The following HEXA variants were observed in gnomAD, a reference collection of about 807,000 sequenced individuals.
HEXA encodes the protein hexosaminidase subunit alpha, also known as beta-hexosaminidase subunit alpha.
Under a neutral mutation model 73.3 loss-of-function variants are expected in HEXA, and 54 were observed. That is an observed-to-expected ratio of 0.74 (90% CI 0.59 to 0.92). HEXA has a LOEUF of 0.92. HEXA is among the 40% of genes least tolerant of loss of function. The probability of loss-of-function intolerance (pLI) is 0.00; values close to 1 mark genes in which losing one functional copy is unlikely to be tolerated. For synonymous variants in HEXA, 230 were observed against 246.9 expected, an observed-to-expected ratio of 0.93 and a Z score of 0.64; for missense variants, 649 against 653.0, an observed-to-expected ratio of 0.99 and a Z score of 0.07.
chr15:72,364,734 C>A (rs915153554), intron 1 of HEXA, among the ~76,000 whole-genome samples: 6 of 151,582 alleles, frequency 4.0e-5, no homozygotes, highest in Admixed American at 2.6e-4. Flanking sequence ...CATCTCAATT[C>A]TTTTTCACCA....
intron 1 of HEXA, among the ~76,000 whole-genome samples, chr15:72,372,890 T>C (rs2089011844): frequency 6.6e-6 from 1 of 152,228 alleles, no homozygotes; most frequent in South Asian, 2.1e-4. Flanking sequence ...CCCAGGACTT[T>C]GGTAGGCCAA....
At chr15:72,360,189 G>A (rs1394863329) in intron 1 of HEXA, 2 of 153,244 alleles carry the variant, frequency 1.3e-5, no homozygotes, top group African/African-American at 4.8e-5. Context: ...CTGTGCCCCT[G>A]ACCCCGGCTA....
At chr15:72,347,616 G>T in intron 10 of HEXA, 70 bp downstream of exon 10, 1 of 1,194,290 alleles carries the variant, frequency 8.4e-7, no homozygotes, top group Non-Finnish European at 1.3e-6. Context: ...CTCTGTAGAG[G>T]CAGGGAGGAG....
chr15:72,341,877 G>A lies in HEXA; in HGVS notation c.*2200C>T, dbSNP rs1595794358. The A allele has an allele frequency of 6.6e-6, 1 of 152,032 alleles. No individual in the cohort carries two copies. Among genetic ancestry groups the A allele is most frequent in the Non-Finnish European group, 1.5e-5 (1 of 68,018 alleles). The allele number at this position is 152,032 out of a possible 1,614,324, so 9.4% of individuals were successfully genotyped here. ...CGTGACCAGGCCACGTTAGTTTAGT[G>A]GTAAAAATAATAACATTAAAGAAAA... On this transcript the variant is annotated 3_prime_UTR_variant, in exon 14 of 14. Coordinates refer to ENST00000268097, the MANE Select transcript of HEXA (RefSeq NM_000520.6).
rs143554538 is a variant in HEXA, at chr15:72,375,904, G to A, written c.69C>T (p.Leu23=). ...TTTGGAAGTTCTGAGGCCAGGGCCA[G>A]AGGGCCGTCGCCCGTCCTGCGAACG... ...AAAFAGRATA[L]WPWPQNFQTS... Residue 23 remains leucine, a synonymous_variant, in exon 1 of 14, where the codon CTC becomes CTT. Coordinates refer to ENST00000268097, the MANE Select transcript of HEXA (RefSeq NM_000520.6). 6.2e-7 allele frequency: 1 copy of A among 1,614,244 alleles called. No homozygotes were observed. Among genetic ancestry groups the A allele is most frequent in the South Asian group, 1.1e-5 (1 of 91,090 alleles).
chr15:72,352,134 T>G (rs928820649), intron 5 of HEXA, among the ~76,000 whole-genome samples: 2 of 152,146 alleles, frequency 1.3e-5, no homozygotes, highest in African/African-American at 4.8e-5. Context: ...TTTTTTGTAT[T>G]TTCAGTAGAG....
intron 1 of HEXA, among the ~76,000 whole-genome samples, chr15:72,364,703 C>G (rs1054261126): frequency 1.3e-5 from 2 of 152,090 alleles, no homozygotes; most frequent in African/African-American, 2.4e-5. Context: ...CCCATCTCTC[C>G]ACATCTTTCC....
At chr15:72,349,933 T>C (rs1175916402) in intron 7 of HEXA, among the ~76,000 whole-genome samples, 1 of 152,068 alleles carries the variant, frequency 6.6e-6, no homozygotes, top group African/African-American at 2.4e-5. Context: ...CTGGCTAATT[T>C]TTGTATTTTT....
intron 1 of HEXA, among the ~76,000 whole-genome samples, chr15:72,363,247 A>G (rs2140333919): frequency 6.6e-6 from 1 of 152,360 alleles, no homozygotes; most frequent in East Asian, 1.9e-4. Context: ...GTTAAAAAGA[A>G]AAACAAACCC....
intron 1 of HEXA, among the ~76,000 whole-genome samples, chr15:72,365,167 G>A (rs537840037): frequency 3.3e-5 from 5 of 152,232 alleles, no homozygotes; most frequent in South Asian, 2.1e-4. Flanking sequence ...TCGGCTCACC[G>A]CAAGCTCCGC....
chr15:72,371,918 G>A (rs2088999520), intron 1 of HEXA, among the ~76,000 whole-genome samples: 1 of 152,170 alleles, frequency 6.6e-6, no homozygotes, highest in Non-Finnish European at 1.5e-5. Context: ...AGGGGGGCAG[G>A]ATTATTCTGT....
intron 13 of HEXA, among the ~76,000 whole-genome samples, chr15:72,344,591 C>G (rs1763656208): frequency 6.6e-6 from 1 of 152,158 alleles, no homozygotes. Context: ...GATGCGAAAT[C>G]CTGTCCTTGG....
chr15:72,351,040 GGT>G (rs1303519178), intron 6 of HEXA, 91 bp downstream of exon 6: 10 of 843,714 alleles, frequency 1.2e-5, no homozygotes, highest in Admixed American at 7.5e-5. Flanking sequence ...AAAACTGGCT[GGT>G]TAGGATGAGA....
intron 1 of HEXA, chr15:72,360,251 C>T (rs935050225): frequency 6.5e-6 from 1 of 153,194 alleles, no homozygotes; most frequent in African/African-American, 2.4e-5. Flanking sequence ...CAGGACTGGA[C>T]CACTGCAAAA....
In HEXA at chr15:72,375,902, C is replaced by A; in HGVS notation, c.71G>T (p.Trp24Leu). The part of the protein sequence containing the change: ...AAFAGRATAL[W>L]PWPQNFQTSD... ...GGTTTGGAAGTTCTGAGGCCAGGGC[C>A]AGAGGGCCGTCGCCCGTCCTGCGAA... Residue 24 changes from tryptophan (W) to leucine (L), a missense_variant, in exon 1 of 14, where the codon TGG (tryptophan) becomes TTG (leucine). Physicochemically the swap from Trp to Leu is moderately conservative, Grantham distance 61 (BLOSUM62 -2). Coordinates refer to ENST00000268097, the MANE Select transcript of HEXA (RefSeq NM_000520.6). 6.2e-7 allele frequency: 1 copy of A among 1,614,208 alleles called. No individual in the cohort carries two copies. Among genetic ancestry groups the A allele is most frequent in the South Asian group, 1.1e-5 (1 of 91,090 alleles).
rs541330479 is a variant in HEXA, at chr15:72,367,529, CT to C, written c.253+8190del. Among the ~76,000 whole-genome samples the C allele has an allele frequency of 2.6e-3, 395 of 152,178 alleles. 1 individual carries two copies. The highest frequency in any genetic ancestry group is 4.6e-3 in the Non-Finnish European group (316 of 68,032). On this transcript the variant is annotated intron_variant, in intron 1 of 13. Transcript: ENST00000268097. ...GCAGCCTTTTAACTGGGTTTCCTGC[CT>C]CTAATCCCACTCTACAGCAAGCCCC... is the stretch of plus-strand genomic sequence containing the variant.
intron 1 of HEXA, among the ~76,000 whole-genome samples, chr15:72,361,207 C>T (rs1291932688): frequency 6.6e-6 from 1 of 152,142 alleles, no homozygotes; most frequent in African/African-American, 2.4e-5. Flanking sequence ...TAATAGAAAC[C>T]ACTCACTCCT....
chr15:72,346,054 CG>C (rs2088608271), intron 12 of HEXA, 180 bp downstream of exon 12: 1 of 635,094 alleles, frequency 1.6e-6, no homozygotes, highest in Non-Finnish European at 2.9e-6. Flanking sequence ...GGGATATAGA[CG>C]GAAGTCATGT....
Position 72,346,703 on chromosome 15 carries a change from G to A in HEXA, c.1154C>T (p.Pro385Leu), listed in dbSNP as rs768164612. 6.2e-6 allele frequency: 10 copies of A among 1,613,924 alleles called. No individual in the cohort carries two copies. Among genetic ancestry groups the A allele is most frequent in the Non-Finnish European group, 8.5e-6 (10 of 1,179,984 alleles). The stretch of plus-strand genomic sequence containing the variant: ...TCGCCACACCTGTATGATTGTGTCT[G>A]GCTGAATCTGTTATAAAAGGTCAAA... ...EVFDNKVKIQ[P>L]DTIIQVWRED... The change falls in exon 11 of 14, where the codon CCA (proline) becomes CTA (leucine). Residue 385 changes from proline (P) to leucine (L), a missense_variant. Coordinates refer to ENST00000268097, the MANE Select transcript of HEXA (RefSeq NM_000520.6).
Sources: gnomAD v4.1 joint callset for allele counts (sites outside exome capture counted in the v4.1 genomes callset) on GRCh38, gnomAD v4.1.1 for gene constraint, MANE v1.5 for transcripts, NCBI Gene and HGNC (gene_info 2026-07-23, HGNC 2026-07-21) for gene names.